AMBRA1: variants seen among roughly 807,000 people sequenced by gnomAD.
AMBRA1 encodes activating molecule in BECN1-regulated autophagy protein 1.
A neutral mutation model predicts 125.4 loss-of-function variants in AMBRA1; 47 were observed. The observed-to-expected ratio is 0.37, with a 90% CI of 0.30 to 0.48. The LOEUF (loss-of-function observed/expected upper bound fraction) is 0.48. AMBRA1 is among the 20% of genes least tolerant of loss of function. AMBRA1 has a pLI of 0.99. For missense variants in AMBRA1, 1,331 were observed against 1,693.4 expected (o/e 0.79, Z 3.76); for synonymous variants, 626 against 655.5 (o/e 0.95, Z 0.69).
At chr11:46,580,266 T>C (rs1000169757) in intron 1 of AMBRA1, among the ~76,000 whole-genome samples, 1 of 152,208 alleles carries the variant, frequency 6.6e-6, no homozygotes, top group African/African-American at 2.4e-5. Flanking sequence ...GGTCTTCTCC[T>C]CCTACTCTAT....
intron 1 of AMBRA1, among the ~76,000 whole-genome samples, chr11:46,568,963 A>C (rs1023055062): frequency 3.3e-5 from 5 of 151,530 alleles, no homozygotes; most frequent in Non-Finnish European, 7.4e-5. Context: ...TGTGCGACCA[A>C]GACCAGCTAA....
chr11:46,520,148 A>G (rs1951694958), intron 7 of AMBRA1, among the ~76,000 whole-genome samples: 1 of 152,026 alleles, frequency 6.6e-6, no homozygotes, highest in Admixed American at 6.5e-5. Context: ...TCGAAAAAAA[A>G]AAAAAAAAAA....
At chr11:46,425,310 TTGTGTGTGTGTGTGTGTGTGTGTGTG>T (rs34321655) in intron 14 of AMBRA1, among the ~76,000 whole-genome samples, 15 of 135,592 alleles carry the variant, frequency 1.1e-4, no homozygotes, top group African/African-American at 1.8e-4. Flanking sequence ...CTTGATCCAT[TTGTGTGTGTGTGTGTGTGTGTGTGTG>T]TGTGTGTGTG....
chr11:46,503,125 T>C (rs1950906108), intron 9 of AMBRA1, among the ~76,000 whole-genome samples: 1 of 150,706 alleles, frequency 6.6e-6, no homozygotes, highest in Non-Finnish European at 1.5e-5. Context: ...TGGCTGTTTA[T>C]AGCAGAAGAG....
intron 1 of AMBRA1, chr11:46,549,067 A>G (rs892610961): frequency 1.3e-5 from 2 of 152,120 alleles, no homozygotes; most frequent in South Asian, 4.1e-4. Context: ...GATCCAGGGT[A>G]GAGGACAGAG....
intron 15 of AMBRA1, among the ~76,000 whole-genome samples, chr11:46,417,493 C>T (rs1946599131): frequency 6.6e-6 from 1 of 152,190 alleles, no homozygotes; most frequent in South Asian, 2.1e-4. Context: ...AGGGTTTCAA[C>T]AATACCTATT....
chr11:46,534,257 C>T (rs1436067674), intron 7 of AMBRA1, among the ~76,000 whole-genome samples: 1 of 151,400 alleles, frequency 6.6e-6, no homozygotes, highest in East Asian at 1.9e-4. Flanking sequence ...CTTTGGGAGG[C>T]CGAGGCGGGC....
chr11:46,573,064 G>A (rs1247067739), intron 1 of AMBRA1, among the ~76,000 whole-genome samples: 1 of 149,330 alleles, frequency 6.7e-6, no homozygotes, highest in African/African-American at 2.5e-5. Context: ...TCGCGCCATT[G>A]CACTCTAGCC....
chr11:46,411,198 A>G (rs1946278905), intron 15 of AMBRA1, among the ~76,000 whole-genome samples: 1 of 152,174 alleles, frequency 6.6e-6, no homozygotes, highest in Non-Finnish European at 1.5e-5. Flanking sequence ...GAGCGGAGGA[A>G]GACAAACTTC....
At chr11:46,454,713 T>A (rs1194481406) in intron 11 of AMBRA1, among the ~76,000 whole-genome samples, 1 of 151,532 alleles carries the variant, frequency 6.6e-6, no homozygotes, top group East Asian at 2.0e-4. Context: ...ATCACGCCAC[T>A]GCACTCCAGC....
At chr11:46,517,401 G>A (rs553435909) in intron 7 of AMBRA1, among the ~76,000 whole-genome samples, 3 of 148,896 alleles carry the variant, frequency 2.0e-5, no homozygotes, top group South Asian at 2.1e-4. Flanking sequence ...CACCCGCCTC[G>A]GCCTCCCAAA....
chr11:46,498,512 A>G (rs1243027298), intron 9 of AMBRA1, among the ~76,000 whole-genome samples: 1 of 152,220 alleles, frequency 6.6e-6, no homozygotes, highest in Non-Finnish European at 1.5e-5. Context: ...ACCAGAAAAA[A>G]AACACCCTTC....
At chr11:46,490,215 G>C (rs1489329809) in intron 11 of AMBRA1, among the ~76,000 whole-genome samples, 1 of 152,122 alleles carries the variant, frequency 6.6e-6, no homozygotes, top group African/African-American at 2.4e-5. Flanking sequence ...TGGTAGAGCT[G>C]CAATAGCTTT....
At chr11:46,593,321 C>T (rs1374649328) in intron 1 of AMBRA1, among the ~76,000 whole-genome samples, 1 of 152,026 alleles carries the variant, frequency 6.6e-6, no homozygotes, top group Non-Finnish European at 1.5e-5. Flanking sequence ...AAGTCACGTC[C>T]CAGACATCAG....
At chr11:46,570,093 G>A (rs531954315) in intron 1 of AMBRA1, among the ~76,000 whole-genome samples, 5 of 151,416 alleles carry the variant, frequency 3.3e-5, no homozygotes, top group Non-Finnish European at 7.4e-5. Context: ...AAATCCTGTC[G>A]CTACTAAAAA....
intron 1 of AMBRA1, among the ~76,000 whole-genome samples, chr11:46,572,054 G>C (rs1221652935): frequency 1.3e-5 from 2 of 152,094 alleles, no homozygotes; most frequent in Non-Finnish European, 2.9e-5. Flanking sequence ...TATAATCCCA[G>C]GACTTTGCGA....
In AMBRA1 at chr11:46,449,052, T is replaced by C. The variant is rs145428157; in HGVS notation, c.2522-5454A>G. Among the ~76,000 whole-genome samples, 429 of 152,028 alleles carry C rather than the reference T, an allele frequency of 2.8e-3. 4 individuals carry two copies. Among genetic ancestry groups the C allele is most frequent in the African/African-American group, 9.9e-3 (411 of 41,442 alleles). ...GTTCTCTAACGTCTCTTCCAGAAAA[T>C]AGAAATATGAAATACCTGCAACTAA... On this transcript the variant is annotated intron_variant, in intron 11 of 17. Coordinates refer to ENST00000683756, the MANE Select transcript of AMBRA1 (RefSeq NM_001387011.1).
intron 11 of AMBRA1, among the ~76,000 whole-genome samples, chr11:46,443,882 C>T (rs1474198950): frequency 6.6e-6 from 1 of 152,188 alleles, no homozygotes; most frequent in Non-Finnish European, 1.5e-5. Context: ...ACTGTACATA[C>T]ATGGTCTGGT....
At chr11:46,472,762 A>G (rs1375850651) in intron 11 of AMBRA1, among the ~76,000 whole-genome samples, 1 of 152,178 alleles carries the variant, frequency 6.6e-6, no homozygotes, top group African/African-American at 2.4e-5. Flanking sequence ...CAGTAAGACA[A>G]TGTCTCCTAG....
Sources: allele counts gnomAD v4.1 joint callset (sites outside exome capture counted in the v4.1 genomes callset), GRCh38; gene constraint gnomAD v4.1.1; transcripts MANE v1.5; gene names NCBI Gene and HGNC (gene_info 2026-07-23, HGNC 2026-07-21).